The following EDNRB variants were observed in gnomAD, a reference collection of about 807,000 sequenced individuals.
EDNRB encodes endothelin receptor type B.
Under a neutral mutation model 46.4 loss-of-function variants are expected in EDNRB, and 18 were observed. The ratio of observed to expected loss-of-function variants is 0.39; its 90% CI spans 0.27 to 0.57. The LOEUF (loss-of-function observed/expected upper bound fraction) is 0.57. Among genes scored for constraint, EDNRB ranks in the 20% least tolerant of loss-of-function variants. The pLI is 0.61. For synonymous variants in EDNRB, 213 were observed against 204.9 expected (o/e 1.04, Z -0.34); for missense variants, 434 against 537.5 (o/e 0.81, Z 1.90).
chr13:77,947,951 A>G (rs1880979559), intron 1 of EDNRB, among the ~76,000 whole-genome samples: 1 of 152,072 alleles, frequency 6.6e-6, no homozygotes, highest in South Asian at 2.1e-4. Context: ...TCAATCAAAT[A>G]TATATGGTGA....
At position 77,897,858 on chromosome 13, in the gene EDNRB, T is replaced by C; in HGVS notation, c.*342A>G. The C allele has an allele frequency of 9.7e-7, 1 of 1,027,928 alleles. No individual in the cohort carries two copies. Among genetic ancestry groups the C allele is most frequent in the East Asian group, 9.2e-5 (1 of 10,886 alleles). The allele number at this position is 1,027,928 out of a possible 1,614,324, so 63.7% of individuals were successfully genotyped here. A position where few individuals can be genotyped will look rare whatever the true frequency, so the allele number is the denominator to read the frequency against. ...AGTCCCATTGATTTAAAAATAAATC[T>C]CTTTTTAGAAAGAATAGAAATTCTG... On this transcript the variant is annotated 3_prime_UTR_variant, in exon 7 of 7. Coordinates refer to ENST00000646607, the MANE Select transcript of EDNRB (RefSeq NM_001122659.3).
At chr13:77,960,860 G>GA (rs34344431) in intron 1 of EDNRB, among the ~76,000 whole-genome samples, 2,099 of 115,520 alleles carry the variant, frequency 0.018, 57 homozygotes, top group African/African-American at 0.062. Flanking sequence ...CAAGCAAATG[G>GA]AAAAAAAAAA....
At chr13:77,973,712 T>G (rs1881802929) in intron 1 of EDNRB, among the ~76,000 whole-genome samples, 1 of 152,118 alleles carries the variant, frequency 6.6e-6, no homozygotes, top group African/African-American at 2.4e-5. Flanking sequence ...CTTTAATAGT[T>G]TTACATTTAG....
chr13:77,957,255 A>G (rs569019170), intron 1 of EDNRB, among the ~76,000 whole-genome samples: 223 of 152,320 alleles, frequency 1.5e-3, no homozygotes, highest in African/African-American at 5.2e-3. Flanking sequence ...CACTAACAGA[A>G]CCAAAAAAGT....
At chr13:77,946,109 C>T (rs559858634) in intron 1 of EDNRB, among the ~76,000 whole-genome samples, 41 of 152,148 alleles carry the variant, frequency 2.7e-4, no homozygotes, top group African/African-American at 8.9e-4. Flanking sequence ...CACAAGTATC[C>T]GAACTGTGAT....
intron 1 of EDNRB, 139 bp from the exon 2 acceptor site, chr13:77,903,746 G>A: frequency 1.4e-6 from 1 of 740,152 alleles, no homozygotes; most frequent in Non-Finnish European, 2.3e-6. Context: ...CTACTTCTTT[G>A]AAAAGCACCA....
In EDNRB at chr13:77,896,976, AAAT is replaced by A; in HGVS notation, c.*1221_*1223del. 1.0e-6 allele frequency: 1 copy of A among 991,494 alleles called. No homozygotes were observed. Among genetic ancestry groups the A allele is most frequent in the South Asian group, 4.6e-5 (1 of 21,652 alleles). The allele number at this position is 991,494 out of a possible 1,614,324, so 61.4% of individuals were successfully genotyped here. A position where few individuals can be genotyped will look rare whatever the true frequency, so the allele number is the denominator to read the frequency against. The stretch of plus-strand genomic sequence containing the variant: ...AAACTTTTCTATTGGCTATTTACAA[AAAT>A]AATACAAAAATTAGTAATAAGCTTT... On this transcript the variant is annotated 3_prime_UTR_variant, in exon 7 of 7. Transcript: ENST00000646607.
rs1340103087 is a variant in EDNRB, at chr13:77,900,615, C to G, written c.991G>C (p.Val331Leu). 3 of 1,612,498 alleles carry G rather than the reference C, an allele frequency of 1.9e-6. No homozygotes were observed. Among genetic ancestry groups the G allele is most frequent in the East Asian group, 4.5e-5 (2 of 44,806 alleles). Residue 331 changes from valine (V) to leucine (L), a missense_variant, in exon 5 of 7, where the codon GTC (valine) becomes CTC (leucine). By Grantham distance (32) the Val-to-Leu change is conservative (BLOSUM62 1). Coordinates refer to ENST00000646607, the MANE Select transcript of EDNRB (RefSeq NM_001122659.3). ...AGGGGAAGCCAGCAGAGGGCAAAGA[C>G]AAGGACCAGGCAAAAGACGGTTTTG... is the stretch of plus-strand genomic sequence containing the variant. ...VAKTVFCLVLVFALCWLPLHL... is the reference protein window; with the variant it reads ...VAKTVFCLVLLFALCWLPLHL...
chr13:77,908,128 A>G (rs1248989563), intron 1 of EDNRB, among the ~76,000 whole-genome samples: 10 of 151,388 alleles, frequency 6.6e-5, no homozygotes. Flanking sequence ...CTGGAAGGCC[A>G]TAGAAGATGT....
chr13:77,965,042 A>T (rs1881542166), intron 1 of EDNRB, among the ~76,000 whole-genome samples: 1 of 152,236 alleles, frequency 6.6e-6, no homozygotes, highest in Admixed American at 6.5e-5. Context: ...AAATATTCTT[A>T]TCATTTCTTT....
At chr13:77,966,847 A>C (rs1881597310) in intron 1 of EDNRB, among the ~76,000 whole-genome samples, 1 of 152,144 alleles carries the variant, frequency 6.6e-6, no homozygotes, top group Admixed American at 6.6e-5. Context: ...TCAGCTACAA[A>C]TGTATTGGAG....
At chr13:77,900,952 A>G in intron 4 of EDNRB, 106 bp downstream of exon 4, 1 of 1,341,680 alleles carries the variant, frequency 7.5e-7, no homozygotes. Context: ...AAAAGGAAAT[A>G]TGCTCTGGTA....
chr13:77,929,559 G>A (rs1046459168), intron 1 of EDNRB, among the ~76,000 whole-genome samples: 1 of 152,144 alleles, frequency 6.6e-6, no homozygotes, highest in African/African-American at 2.4e-5. Context: ...TGAAATATCA[G>A]CTATCTTAGT....
At chr13:77,932,703 A>G (rs896827753) in intron 1 of EDNRB, among the ~76,000 whole-genome samples, 1 of 152,200 alleles carries the variant, frequency 6.6e-6, no homozygotes, top group African/African-American at 2.4e-5. Context: ...TCCTTGACAT[A>G]CTTTTTGAAA....
chr13:77,931,711 C>T (rs142698741), intron 1 of EDNRB, among the ~76,000 whole-genome samples: 1 of 119,576 alleles, frequency 8.4e-6, no homozygotes, highest in Non-Finnish European at 1.6e-5. Flanking sequence ...AGCTACAGCT[C>T]TATTTTTCCT....
intron 1 of EDNRB, among the ~76,000 whole-genome samples, chr13:77,942,981 T>G (rs1209182720): frequency 1.3e-5 from 2 of 152,134 alleles, no homozygotes; most frequent in African/African-American, 4.8e-5. Context: ...TTTACTAGAA[T>G]AAAATTTCTC....
intron 1 of EDNRB, among the ~76,000 whole-genome samples, chr13:77,937,103 G>T (rs1019725005): frequency 2.0e-5 from 3 of 152,202 alleles, no homozygotes; most frequent in Non-Finnish European, 4.4e-5. Flanking sequence ...GCCTTTCTGG[G>T]TCTAGGGCGG....
intron 1 of EDNRB, among the ~76,000 whole-genome samples, chr13:77,908,043 A>AAAAAAAAAAAGAG (rs4052535): frequency 2.8e-5 from 2 of 72,448 alleles, no homozygotes; most frequent in Non-Finnish European, 4.7e-5. Context: ...AAAAAAAAAA[A>AAAAAAAAAAAGAG]AGAGAGAGAG....
chr13:77,917,689 T>G (rs1054835110), intron 1 of EDNRB, among the ~76,000 whole-genome samples: 1 of 152,192 alleles, frequency 6.6e-6, no homozygotes, highest in Non-Finnish European at 1.5e-5. Context: ...GTTCTCAAAC[T>G]TTACAGTTCA....
Sources: allele counts gnomAD v4.1 joint callset (sites outside exome capture counted in the v4.1 genomes callset), GRCh38; gene constraint gnomAD v4.1.1; transcripts MANE v1.5; gene names NCBI Gene and HGNC (gene_info 2026-07-23, HGNC 2026-07-21).